Variants in EPHA6 observed in about 807,000 individuals in gnomAD.
EPHA6 encodes ephrin type-A receptor 6.
A neutral mutation model predicts 112.0 loss-of-function variants in EPHA6; 50 were observed. The observed-to-expected ratio is 0.45, with a 90% confidence interval of 0.36 to 0.56. EPHA6 has a LOEUF of 0.56. EPHA6 is among the 20% of genes least tolerant of loss of function. The pLI is 0.00. For missense variants in EPHA6, 1,280 were observed against 1,417.4 expected (o/e 0.90, Z 1.56); for synonymous variants, 529 against 490.7 (o/e 1.08, Z -1.03).
intron 2 of EPHA6, among the ~76,000 whole-genome samples, chr3:96,943,463 G>GTTTTTAT (rs2041087687): frequency 2.6e-5 from 4 of 152,090 alleles, no homozygotes; most frequent in Non-Finnish European, 5.9e-5. Flanking sequence ...CTGAATTTCA[G>GTTTTTAT]ATTTTATATA....
chr3:97,352,938 T>C (rs942206261), intron 5 of EPHA6, among the ~76,000 whole-genome samples: 1 of 152,126 alleles, frequency 6.6e-6, no homozygotes, highest in African/African-American at 2.4e-5. Context: ...TCTTGTAATT[T>C]GGATACCAGC....
rs534263063 is a variant in EPHA6, at chr3:97,500,171, A to G, written c.2200+16112A>G. 2.8e-4 allele frequency among the ~76,000 whole-genome samples: 42 copies of G among 152,298 alleles called. No individual in the cohort carries two copies. In the South Asian group the frequency reaches 4.6e-3, roughly 17 times the overall value. On this transcript the variant is annotated intron_variant, in intron 10 of 17. Coordinates refer to ENST00000389672, the MANE Select transcript of EPHA6 (RefSeq NM_001080448.3). The stretch of plus-strand genomic sequence containing the variant: ...GGTCTACACAAGATCAGGATCACAA[A>G]TATTGCTGTCTTCCACCTCCACATC...
At chr3:97,065,074 C>A (rs2046135941) in intron 3 of EPHA6, among the ~76,000 whole-genome samples, 1 of 151,952 alleles carries the variant, frequency 6.6e-6, no homozygotes, top group Non-Finnish European at 1.5e-5. Flanking sequence ...AAAATTAATA[C>A]CTTAAGCTGT....
intron 3 of EPHA6, among the ~76,000 whole-genome samples, chr3:97,181,504 C>G (rs2076988040): frequency 6.6e-6 from 1 of 151,986 alleles, no homozygotes; most frequent in African/African-American, 2.4e-5. Context: ...GTAAGTCATG[C>G]ATGAACGGTG....
chr3:97,365,564 A>G (rs1473794210), intron 5 of EPHA6, among the ~76,000 whole-genome samples: 2 of 151,918 alleles, frequency 1.3e-5, no homozygotes, highest in South Asian at 2.1e-4. Context: ...GTATTTTTGT[A>G]TTTTTAGTAG....
chr3:97,174,140 A>T (rs1174865071), intron 3 of EPHA6, among the ~76,000 whole-genome samples: 2 of 150,790 alleles, frequency 1.3e-5, no homozygotes, highest in African/African-American at 2.4e-5. Flanking sequence ...AGAACATGTG[A>T]TGTTTGTCTT....
rs111243603 is a variant in EPHA6 at position 97,429,406 on chromosome 3, C to T, written c.1732-19162C>T. Among the ~76,000 whole-genome samples the T allele has an allele frequency of 5.5e-3, 844 of 152,096 alleles. 11 individuals carry two copies. The highest frequency in any genetic ancestry group is 0.02 in the African/African-American group (813 of 41,498). Reference sequence around the variant, plus strand: ...AATTTCTTTTACCAAATAATCTTACCATTCCTATGTATGGTGTTGTTTATT... The same window carrying T: ...AATTTCTTTTACCAAATAATCTTACTATTCCTATGTATGGTGTTGTTTATT... On this transcript the variant is annotated intron_variant, in intron 6 of 17. Transcript: ENST00000389672.
intron 2 of EPHA6, among the ~76,000 whole-genome samples, chr3:96,909,205 G>A (rs2039089632): frequency 6.6e-6 from 1 of 151,860 alleles, no homozygotes; most frequent in Admixed American, 6.6e-5. Flanking sequence ...TAGAGAATTT[G>A]TTTTTAAACT....
chr3:97,269,158 G>T (rs919852058), intron 5 of EPHA6, among the ~76,000 whole-genome samples: 1 of 152,234 alleles, frequency 6.6e-6, no homozygotes, highest in Admixed American at 6.5e-5. Flanking sequence ...ATACACATAC[G>T]CCAATTGTCC....
At chr3:97,425,298 C>T (rs1428918128) in intron 6 of EPHA6, among the ~76,000 whole-genome samples, 3 of 152,262 alleles carry the variant, frequency 2.0e-5, no homozygotes, top group African/African-American at 7.2e-5. Context: ...ATGAAGGCTT[C>T]ATCCCTGCAG....
At chr3:97,489,467 C>T (rs956735535) in intron 10 of EPHA6, among the ~76,000 whole-genome samples, 2 of 152,088 alleles carry the variant, frequency 1.3e-5, no homozygotes, top group Admixed American at 6.5e-5. Flanking sequence ...GGGTGGATCA[C>T]GAGGTCAGGA....
chr3:97,357,583 T>A (rs1397903975), intron 5 of EPHA6, among the ~76,000 whole-genome samples: 1 of 152,132 alleles, frequency 6.6e-6, no homozygotes, highest in Non-Finnish European at 1.5e-5. Flanking sequence ...ACACTTAAAG[T>A]AATTACCAAT....
intron 2 of EPHA6, among the ~76,000 whole-genome samples, chr3:96,907,892 C>T (rs531119547): frequency 1.3e-4 from 19 of 151,984 alleles, no homozygotes; most frequent in Middle Eastern, 3.4e-3. Flanking sequence ...AATAAACATT[C>T]ATGCATTGCT....
At chr3:96,830,066 C>T (rs1236679179) in intron 1 of EPHA6, among the ~76,000 whole-genome samples, 4 of 151,822 alleles carry the variant, frequency 2.6e-5, no homozygotes, top group Non-Finnish European at 4.4e-5. Context: ...TCCTAAGTAT[C>T]GCATTTTAGT....
At chr3:97,284,761 T>A (rs2080408292) in intron 5 of EPHA6, among the ~76,000 whole-genome samples, 1 of 152,128 alleles carries the variant, frequency 6.6e-6, no homozygotes, top group Non-Finnish European at 1.5e-5. Flanking sequence ...GACAAAAAAA[T>A]TCCCCAAGGC....
At chr3:97,680,670 A>G (rs1451577606) in intron 14 of EPHA6, among the ~76,000 whole-genome samples, 1 of 152,184 alleles carries the variant, frequency 6.6e-6, no homozygotes, top group Non-Finnish European at 1.5e-5. Flanking sequence ...CCCTTTGTCT[A>G]AGACCAAACT....
At chr3:97,595,401 T>C (rs1477116268) in intron 12 of EPHA6, among the ~76,000 whole-genome samples, 1 of 152,110 alleles carries the variant, frequency 6.6e-6, no homozygotes, top group Non-Finnish European at 1.5e-5. Flanking sequence ...CCCAGCACTT[T>C]GGGAGGCCAA....
chr3:97,194,612 T>G (rs2077392749), intron 3 of EPHA6, among the ~76,000 whole-genome samples: 1 of 146,650 alleles, frequency 6.8e-6, no homozygotes, highest in African/African-American at 2.5e-5. Flanking sequence ...TTGAGTCCAC[T>G]GTTTGTTGTT....
At chr3:96,920,847 A>G (rs1442463468) in intron 2 of EPHA6, among the ~76,000 whole-genome samples, 1 of 152,100 alleles carries the variant, frequency 6.6e-6, no homozygotes, top group Non-Finnish European at 1.5e-5. Flanking sequence ...CAGACATTAT[A>G]GAATAGAAAT....
Sources: allele counts gnomAD v4.1 joint callset (sites outside exome capture counted in the v4.1 genomes callset), GRCh38; gene constraint gnomAD v4.1.1; transcripts MANE v1.5; gene names NCBI Gene and HGNC (gene_info 2026-07-23, HGNC 2026-07-21).